The following ZNF475 variants were observed in gnomAD, a reference collection of about 807,000 sequenced individuals.
The protein encoded by ZNF475 is zinc finger protein 475.
At chr5:122,172,816 G>A in the ZNF475 span, among the ~76,000 whole-genome samples, 2 of 152,074 alleles carry the variant, frequency 1.3e-5, no homozygotes, top group Non-Finnish European at 2.9e-5. Context: ...GATGGATCAC[G>A]AGGTCAGGAG....
chr5:122,165,870 T>A, the ZNF475 span, among the ~76,000 whole-genome samples: 23 of 152,188 alleles, frequency 1.5e-4, no homozygotes, highest in Admixed American at 1.5e-3. Flanking sequence ...TTTGCATACA[T>A]ATTTAGTAAT....
the ZNF475 span, among the ~76,000 whole-genome samples, chr5:122,173,727 CT>C: frequency 1.3e-5 from 2 of 152,192 alleles, no homozygotes. Context: ...GTTCAAGTGC[CT>C]GTCTGTATCT....
At chr5:122,176,915 T>A in the ZNF475 span, among the ~76,000 whole-genome samples, 1 of 152,214 alleles carries the variant, frequency 6.6e-6, no homozygotes, top group Admixed American at 6.5e-5. Context: ...CTTTTCTATA[T>A]CCTAGACAGA....
chr5:122,175,947 T>C, the ZNF475 span, among the ~76,000 whole-genome samples: 3 of 152,164 alleles, frequency 2.0e-5, no homozygotes, highest in Non-Finnish European at 4.4e-5. Context: ...GACATAATTT[T>C]TAACTCCTAA....
At chr5:122,166,484 A>G in the ZNF475 span, among the ~76,000 whole-genome samples, 1 of 151,824 alleles carries the variant, frequency 6.6e-6, no homozygotes, top group Non-Finnish European at 1.5e-5. Flanking sequence ...TCCTAATGCT[A>G]TCTCCCCCTC....
chr5:122,170,826 C>G, the ZNF475 span, among the ~76,000 whole-genome samples: 1 of 152,140 alleles, frequency 6.6e-6, no homozygotes, highest in African/African-American at 2.4e-5. Flanking sequence ...GCGGTCCTAG[C>G]CACCAGTCAT....
chr5:122,174,720 T>G, the ZNF475 span, among the ~76,000 whole-genome samples: 1 of 152,240 alleles, frequency 6.6e-6, no homozygotes, highest in Admixed American at 6.5e-5. Flanking sequence ...TGTCTTCATT[T>G]ATGACCCATG....
the ZNF475 span, chr5:122,160,273 C>T: frequency 1.6e-6 from 2 of 1,289,620 alleles, no homozygotes; most frequent in East Asian, 5.6e-5. Context: ...GTAACAGGAC[C>T]AGTTCTCTTC....
the ZNF475 span, chr5:122,182,428 C>T: frequency 6.7e-4 from 877 of 1,306,318 alleles, 6 homozygotes; most frequent in African/African-American, 0.012. Context: ...CTTTTTCTTT[C>T]CCTTTTGTTT....
At chr5:122,180,212 A>G in the ZNF475 span, among the ~76,000 whole-genome samples, 9 of 152,186 alleles carry the variant, frequency 5.9e-5, no homozygotes. Flanking sequence ...ACATTGAGTA[A>G]ACTGGTCCAT....
the ZNF475 span, among the ~76,000 whole-genome samples, chr5:122,165,418 G>A: frequency 6.6e-6 from 1 of 152,316 alleles, no homozygotes; most frequent in South Asian, 2.1e-4. Flanking sequence ...TCTAGGCCCA[G>A]TTGTGAGACA....
chr5:122,167,500 G>C, the ZNF475 span, among the ~76,000 whole-genome samples: 5 of 152,120 alleles, frequency 3.3e-5, no homozygotes, highest in African/African-American at 1.2e-4. Context: ...ATATTCCCTA[G>C]CTCCTGGCAA....
At chr5:122,172,049 C>T in the ZNF475 span, among the ~76,000 whole-genome samples, 2 of 152,142 alleles carry the variant, frequency 1.3e-5, no homozygotes, top group Non-Finnish European at 2.9e-5. Context: ...ACAGCCTCTA[C>T]AATTTCTATA....
At chr5:122,170,501 C>A in the ZNF475 span, among the ~76,000 whole-genome samples, 1 of 152,086 alleles carries the variant, frequency 6.6e-6, no homozygotes, top group Non-Finnish European at 1.5e-5. Flanking sequence ...AGATGAACAG[C>A]CAGATGAATA....
At chr5:122,162,080 C>T in the ZNF475 span, 1 of 152,004 alleles carries the variant, frequency 6.6e-6, no homozygotes, top group Admixed American at 6.5e-5. Flanking sequence ...TGATTTTCAG[C>T]TTTGTAGCTC....
At chr5:122,164,239 G>A in the ZNF475 span, among the ~76,000 whole-genome samples, 1 of 152,126 alleles carries the variant, frequency 6.6e-6, no homozygotes, top group South Asian at 2.1e-4. Context: ...TGCTTTCAGG[G>A]GCAGAACAGG....
At chr5:122,170,813 TG>T in the ZNF475 span, among the ~76,000 whole-genome samples, 12 of 152,192 alleles carry the variant, frequency 7.9e-5, no homozygotes, top group African/African-American at 2.7e-4. Context: ...TAAAGCTGTC[TG>T]GGCGGTCCTA....
At chr5:122,179,283 C>T in the ZNF475 span, among the ~76,000 whole-genome samples, 1 of 152,078 alleles carries the variant, frequency 6.6e-6, no homozygotes, top group East Asian at 1.9e-4. Flanking sequence ...TGAAGAAAGT[C>T]AATGGTAGCT....
the ZNF475 span, among the ~76,000 whole-genome samples, chr5:122,181,428 C>A: frequency 1.3e-5 from 2 of 152,170 alleles, no homozygotes; most frequent in African/African-American, 4.8e-5. Context: ...TTTCAAAGCA[C>A]TGAAACTACA....
Sources: gnomAD v4.1 joint callset for allele counts (sites outside exome capture counted in the v4.1 genomes callset) on GRCh38, gnomAD v4.1.1 for gene constraint, MANE v1.5 for transcripts, NCBI Gene and HGNC (gene_info 2026-07-23, HGNC 2026-07-21) for gene names.